Variants in TBL1X observed in about 807,000 individuals in gnomAD.
TBL1X encodes the protein transducin beta like 1 X-linked.
A neutral mutation model predicts 50.7 loss-of-function variants in TBL1X; 10 were observed. That is an observed-to-expected ratio of 0.20 (90% CI 0.12 to 0.33). The LOEUF (loss-of-function observed/expected upper bound fraction) is 0.33, where lower values mean the gene tolerates loss of function less well. Ranked by LOEUF, TBL1X falls within the 10% of genes least tolerant of loss-of-function variation. The pLI is 1.00. For missense variants in TBL1X, 340 were observed against 504.4 expected (o/e 0.67, Z 3.12); for synonymous variants, 190 against 214.7 (o/e 0.88, Z 1.01).
chrX:9,613,985 C>CAAAAA (rs34481376), intron 2 of TBL1X, among the ~76,000 whole-genome samples: 4 of 50,148 alleles, frequency 8.0e-5, no homozygotes, highest in Admixed American at 2.6e-4. Flanking sequence ...GACTCCATCT[C>CAAAAA]AAAAAAAAAA....
At chrX:9,464,960 G>A (rs187490440), upstream of TBL1X, 2 of 109,809 alleles carry the variant, frequency 1.8e-5, no homozygotes, top group Non-Finnish European at 3.8e-5. Context: ...GGGGCGCAGG[G>A]GCGGGGCCGG....
chrX:9,638,400 G>A (rs1230193561), intron 2 of TBL1X, among the ~76,000 whole-genome samples: 1 of 112,183 alleles, frequency 8.9e-6, no homozygotes, highest in Non-Finnish European at 1.9e-5. Context: ...ATGACCAGGT[G>A]TTGGAAGGTC....
rs780350189 is a variant in TBL1X, at chrX:9,495,324, A to AGAG, written c.-200-6454_-200-6452dup. Among the ~76,000 whole-genome samples the AGAG allele has an allele frequency of 9.3e-4, 103 of 111,074 alleles. 2 individuals are homozygous for AGAG. The South Asian group carries it at 0.037, about 40-fold the overall frequency. ...GAGCAGGAGAAATGGTGCACAAGGG[A>AGAG]GAGGGGATAATGACAGGTCATTCAG... On this transcript the variant is annotated intron_variant, in intron 1 of 17. Transcript: ENST00000645353.
At chrX:9,494,543 C>T (rs995832932) in intron 1 of TBL1X, among the ~76,000 whole-genome samples, 3 of 111,206 alleles carry the variant, frequency 2.7e-5, no homozygotes, top group Non-Finnish European at 1.9e-5. Context: ...AAGTCCTTGG[C>T]AAATCAACTC....
At chrX:9,496,175 A>G (rs2081970352) in intron 1 of TBL1X, among the ~76,000 whole-genome samples, 1 of 112,323 alleles carries the variant, frequency 8.9e-6, no homozygotes, top group Non-Finnish European at 1.9e-5. Context: ...AGGAGGAGTC[A>G]GGGTACAAGT....
chrX:9,696,891 G>A (rs982180449), intron 11 of TBL1X, among the ~76,000 whole-genome samples: 14 of 112,370 alleles, frequency 1.2e-4, no homozygotes, highest in Non-Finnish European at 2.3e-4. Context: ...GCATGTGGGA[G>A]TTATTTATAT....
chrX:9,707,064 C>T (rs1329232487), intron 13 of TBL1X, among the ~76,000 whole-genome samples: 1 of 111,835 alleles, frequency 8.9e-6, no homozygotes, highest in Non-Finnish European at 1.9e-5. Context: ...GGGACCATGG[C>T]ATCTTGCCTT....
chrX:9,573,095 T>C (rs2082394017), intron 2 of TBL1X, among the ~76,000 whole-genome samples: 1 of 113,079 alleles, frequency 8.8e-6, no homozygotes, highest in Non-Finnish European at 1.9e-5. Flanking sequence ...AAACCTTCAT[T>C]TGTAAAGCAA....
chrX:9,608,649 T>G (rs758437112), intron 2 of TBL1X, among the ~76,000 whole-genome samples: 1 of 112,627 alleles, frequency 8.9e-6, no homozygotes, highest in East Asian at 2.8e-4. Flanking sequence ...TCTGTCTTGG[T>G]TAAGTCTCTA....
At chrX:9,655,634 T>C (rs1490074547) in intron 5 of TBL1X, among the ~76,000 whole-genome samples, 4 of 111,385 alleles carry the variant, frequency 3.6e-5, no homozygotes, top group Non-Finnish European at 7.5e-5. Context: ...TTAAGCTTCG[T>C]GCCCTTGATA....
intron 2 of TBL1X, among the ~76,000 whole-genome samples, chrX:9,565,018 C>T (rs1425609476): frequency 9.1e-6 from 1 of 110,491 alleles, no homozygotes; most frequent in African/African-American, 3.3e-5. Flanking sequence ...CGCCTGTAAT[C>T]CCAGCACTTT....
chrX:9,658,197 G>A (rs1673431401), intron 5 of TBL1X, among the ~76,000 whole-genome samples: 1 of 111,422 alleles, frequency 9.0e-6, no homozygotes, highest in Non-Finnish European at 1.9e-5. Flanking sequence ...TCTTTCCTTT[G>A]TAAATTACCC....
upstream of TBL1X, among the ~76,000 whole-genome samples, chrX:9,463,909 A>G (rs1287665189): frequency 9.1e-6 from 1 of 110,318 alleles, no homozygotes; most frequent in Non-Finnish European, 1.9e-5. Flanking sequence ...AAAAACAAAA[A>G]CAAAAAAACA....
intron 16 of TBL1X, among the ~76,000 whole-genome samples, chrX:9,713,866 T>C (rs2083263346): frequency 9.0e-6 from 1 of 110,931 alleles, no homozygotes; most frequent in African/African-American, 3.3e-5. Flanking sequence ...AGGGGCCCAA[T>C]TGAGCAGAGG....
At position 9,714,925 on chromosome X, in the gene TBL1X, C is replaced by T; in HGVS notation, c.1629C>T (p.Tyr543=). ...AGAGTGGAAATCTTGTCCACAGCTA[C>T]CGAGGCACTGGCGGCATCTTCGAGG... ...NTQSGNLVHS[Y]RGTGGIFEVC... Residue 543 remains tyrosine, a synonymous_variant, in exon 17 of 18, where the codon TAC becomes TAT. Transcript: ENST00000645353. 1 of 1,211,925 alleles carries T rather than the reference C, an allele frequency of 8.3e-7. No individual in the cohort carries two copies. Among genetic ancestry groups the T allele is most frequent in the Non-Finnish European group, 1.1e-6 (1 of 895,448 alleles).
At chrX:9,686,268 G>C (rs1345227956) in intron 6 of TBL1X, among the ~76,000 whole-genome samples, 2 of 111,745 alleles carry the variant, frequency 1.8e-5, no homozygotes, top group Non-Finnish European at 3.8e-5. Flanking sequence ...CTGTGACTCT[G>C]TTTTTCTCTG....
At chrX:9,526,300 A>C (rs939936560) in intron 2 of TBL1X, among the ~76,000 whole-genome samples, 1 of 111,769 alleles carries the variant, frequency 8.9e-6, no homozygotes, top group Non-Finnish European at 1.9e-5. Context: ...GTTCAAAAGT[A>C]GATAAAATTT....
At chrX:9,537,871 G>A (rs2082196688) in intron 2 of TBL1X, among the ~76,000 whole-genome samples, 1 of 112,328 alleles carries the variant, frequency 8.9e-6, no homozygotes, top group Non-Finnish European at 1.9e-5. Flanking sequence ...TAGCCCTGAG[G>A]ACCTAGTTTG....
At chrX:9,547,345 G>C (rs1429513206) in intron 2 of TBL1X, among the ~76,000 whole-genome samples, 3 of 108,563 alleles carry the variant, frequency 2.8e-5, no homozygotes, top group African/African-American at 1.0e-4. Context: ...TTTGAGACAG[G>C]GTCTCACTCT....
Sources: gnomAD v4.1 joint callset for allele counts (sites outside exome capture counted in the v4.1 genomes callset) on GRCh38, gnomAD v4.1.1 for gene constraint, MANE v1.5 for transcripts, NCBI Gene and HGNC (gene_info 2026-07-23, HGNC 2026-07-21) for gene names.